The following CENPI variants were observed in gnomAD, a reference collection of about 807,000 sequenced individuals.
CENPI encodes the protein FSH primary response 1.
In CENPI, 4 loss-of-function variants were observed where a neutral mutation model predicts 60.4. The ratio of observed to expected loss-of-function variants is 0.07; its 90% CI spans 0.03 to 0.15. The LOEUF is 0.15. Among genes scored for constraint, CENPI ranks in the 10% least tolerant of loss-of-function variants. The probability of loss-of-function intolerance (pLI) is 1.00; values close to 1 mark genes in which losing one functional copy is unlikely to be tolerated. For synonymous variants in CENPI, 157 were observed against 189.4 expected (o/e 0.83, Z 1.40); for missense variants, 444 against 534.5 (o/e 0.83, Z 1.67).
chrX:101,160,321 C>T (rs2090095574), intron 20 of CENPI, among the ~76,000 whole-genome samples: 1 of 110,025 alleles, frequency 9.1e-6, no homozygotes, highest in African/African-American at 3.3e-5. Context: ...GAAGCAGGAG[C>T]CAAAAGTAGT....
At chrX:101,108,718 C>T (rs994428633) in intron 4 of CENPI, among the ~76,000 whole-genome samples, 1 of 108,463 alleles carries the variant, frequency 9.2e-6, no homozygotes, top group African/African-American at 3.4e-5. Flanking sequence ...GATCACAGCT[C>T]ACTGCAGCCT....
At chrX:101,134,485 A>T (rs1338882732) in intron 15 of CENPI, among the ~76,000 whole-genome samples, 1 of 111,655 alleles carries the variant, frequency 9.0e-6, no homozygotes, top group Non-Finnish European at 1.9e-5. Context: ...AAGTAAAAGG[A>T]TTATTGAGCG....
chrX:101,113,314 CA>C (rs2089577884), intron 6 of CENPI, among the ~76,000 whole-genome samples: 3 of 96,269 alleles, frequency 3.1e-5, no homozygotes, highest in African/African-American at 4.2e-5. Flanking sequence ...CACACACACA[CA>C]CACACACAGA....
downstream of CENPI, among the ~76,000 whole-genome samples, chrX:101,169,594 AC>A (rs56100956): frequency 0.013 from 1,451 of 112,568 alleles, 9 homozygotes; most frequent in Non-Finnish European, 0.021. Context: ...TATTTACTGT[AC>A]TTTTTATTAT....
At chrX:101,181,836 G>A in the CENPI span, among the ~76,000 whole-genome samples, 82 of 112,580 alleles carry the variant, frequency 7.3e-4, no homozygotes, top group Non-Finnish European at 1.3e-3. Flanking sequence ...GAAATGAGGA[G>A]AGTGAACATC....
In CENPI at chrX:101,102,326, A is replaced by G; in HGVS notation, c.279A>G (p.Lys93=). The part of the protein sequence containing the change: ...NKDKTLEKHL[K]TVENVAWKNG... ...ATAAAACCTTGGAAAAACACTTGAA[A>G]ACTGTGGAAAATGTGGCTTGGAAGA... Residue 93 remains lysine (K), a synonymous_variant, in exon 4 of 22, where the codon AAA becomes AAG. Coordinates refer to ENST00000682095, the MANE Select transcript of CENPI (RefSeq NM_001386188.2). 8.4e-7 allele frequency: 1 copy of G among 1,194,597 alleles called. No homozygotes were observed. Among genetic ancestry groups the G allele is most frequent in the Non-Finnish European group, 1.1e-6 (1 of 881,949 alleles).
intron 20 of CENPI, among the ~76,000 whole-genome samples, chrX:101,152,271 G>A (rs943485607): frequency 2.7e-5 from 3 of 109,571 alleles, no homozygotes; most frequent in Non-Finnish European, 1.9e-5. Context: ...CACCATGTTG[G>A]TCAGGCTGGT....
At chrX:101,146,094 C>G in intron 17 of CENPI, 59 bp from the exon 18 acceptor site, 1 of 1,075,946 alleles carries the variant, frequency 9.3e-7, no homozygotes, top group Non-Finnish European at 1.3e-6. Context: ...TTTGGGTGAA[C>G]TTAGTTGAGG....
chrX:101,152,416 CTTCT>C (rs1385497807), intron 20 of CENPI, among the ~76,000 whole-genome samples: 1 of 109,472 alleles, frequency 9.1e-6, no homozygotes, highest in East Asian at 2.9e-4. Flanking sequence ...CTGTGACTGG[CTTCT>C]TTCTTTTTCT....
chrX:101,120,814 A>C, intron 8 of CENPI, 30 bp downstream of exon 8: 1 of 1,137,974 alleles, frequency 8.8e-7, no homozygotes, highest in Non-Finnish European at 1.2e-6. Context: ...AAGACCTGCC[A>C]ATGTACTATG....
the CENPI span, among the ~76,000 whole-genome samples, chrX:101,172,663 A>T: frequency 8.9e-6 from 1 of 111,732 alleles, no homozygotes; most frequent in Non-Finnish European, 1.9e-5. Context: ...CTCTTAACGG[A>T]TAAGAGATTT....
intron 8 of CENPI, among the ~76,000 whole-genome samples, chrX:101,124,117 G>A (rs907490926): frequency 2.8e-5 from 3 of 108,295 alleles, no homozygotes; most frequent in Admixed American, 1.0e-4. Context: ...GTGTGTGTGT[G>A]TGTGTGTGTG....
chrX:101,134,270 G>C (rs1014201548), intron 15 of CENPI, among the ~76,000 whole-genome samples: 2 of 111,655 alleles, frequency 1.8e-5, no homozygotes, highest in Admixed American at 9.6e-5. Flanking sequence ...CTCTAAGACT[G>C]GGGAGAGGAT....
chrX:101,135,105 CTG>C (rs1462509742), intron 15 of CENPI, among the ~76,000 whole-genome samples: 2 of 110,651 alleles, frequency 1.8e-5, no homozygotes, highest in African/African-American at 3.3e-5. Flanking sequence ...GGAGTTGAGT[CTG>C]TGAAAAAGCT....
chrX:101,153,405 C>T (rs2090025466), intron 20 of CENPI, among the ~76,000 whole-genome samples: 1 of 108,352 alleles, frequency 9.2e-6, no homozygotes, highest in South Asian at 4.1e-4. Flanking sequence ...TCAATTGATT[C>T]TCCCACTTCA....
chrX:101,146,848 C>G (rs1027835128), intron 18 of CENPI, among the ~76,000 whole-genome samples: 7 of 111,018 alleles, frequency 6.3e-5, no homozygotes, highest in East Asian at 2.8e-4. Context: ...GATTCTCCCC[C>G]CTCAGCCTCC....
chrX:101,117,820 G>A (rs754742407), intron 6 of CENPI, among the ~76,000 whole-genome samples: 12 of 112,207 alleles, frequency 1.1e-4, no homozygotes, highest in Admixed American at 7.6e-4. Context: ...TGGTGAGAAA[G>A]CTTGTTCAAT....
chrX:101,102,262 T>C lies in CENPI; in HGVS notation c.227-12T>C. 2 of 1,142,963 alleles carry C rather than the reference T, an allele frequency of 1.7e-6. No individual in the cohort carries two copies. The highest frequency in any genetic ancestry group is 2.3e-6 in the Non-Finnish European group (2 of 851,698). 94.2% of individuals were successfully genotyped at this position (1,142,963 alleles called of 1,213,427 possible). ...TAAAGGTCTCACTATTTAATATTGT[T>C]TCTTTTTTCAGGTCCCATTAAAGCT... On this transcript the variant is annotated splice_polypyrimidine_tract_variant and intron_variant, in intron 3 of 21. Coordinates refer to ENST00000682095, the MANE Select transcript of CENPI (RefSeq NM_001386188.2).
At chrX:101,173,011 ATT>A in the CENPI span, among the ~76,000 whole-genome samples, 198 of 68,662 alleles carry the variant, frequency 2.9e-3, 2 homozygotes, top group African/African-American at 9.5e-3. Context: ...AGTTGTAGGA[ATT>A]TTTTTTTTTT....
Sources: allele counts gnomAD v4.1 joint callset (sites outside exome capture counted in the v4.1 genomes callset), GRCh38; gene constraint gnomAD v4.1.1; transcripts MANE v1.5; gene names NCBI Gene and HGNC (gene_info 2026-07-23, HGNC 2026-07-21).